SOX5: variants seen among roughly 807,000 people sequenced by gnomAD.
SOX5 encodes the protein SRY-box transcription factor 5.
Under a neutral mutation model 92.0 loss-of-function variants are expected in SOX5, and 9 were observed. The observed-to-expected ratio is 0.10, with a 90% CI of 0.06 to 0.17. SOX5 has a LOEUF of 0.17. SOX5 is among the 10% of genes least tolerant of loss of function. The pLI, the probability that SOX5 is intolerant of heterozygous loss-of-function variation, is 1.00. For synonymous variants in SOX5, 344 were observed against 336.3 expected (o/e 1.02, Z -0.25); for missense variants, 642 against 944.5 (o/e 0.68, Z 4.20).
At chr12:24,365,180 AT>A (rs1413948226) in intron 2 of SOX5, among the ~76,000 whole-genome samples, 1 of 150,602 alleles carries the variant, frequency 6.6e-6, no homozygotes, top group African/African-American at 2.4e-5. Context: ...TAACGTCTTT[AT>A]TTAACATATT....
At chr12:23,995,754 T>A (rs1950975367) in intron 4 of SOX5, among the ~76,000 whole-genome samples, 1 of 152,186 alleles carries the variant, frequency 6.6e-6, no homozygotes, top group African/African-American at 2.4e-5. Context: ...GAATTCACAC[T>A]AACAAGGATA....
intron 4 of SOX5, among the ~76,000 whole-genome samples, chr12:24,207,655 T>C (rs549195324): frequency 1.3e-5 from 2 of 152,318 alleles, no homozygotes; most frequent in Admixed American, 6.5e-5. Context: ...CAAGACCATA[T>C]AGTTTGTAAA....
At chr12:24,445,064 A>T (rs1393871703) in intron 1 of SOX5, among the ~76,000 whole-genome samples, 1 of 152,236 alleles carries the variant, frequency 6.6e-6, no homozygotes, top group East Asian at 1.9e-4. Flanking sequence ...CGGTACCTCC[A>T]GGACTGACAT....
intron 4 of SOX5, among the ~76,000 whole-genome samples, chr12:24,022,484 A>G (rs1391108319): frequency 1.3e-5 from 2 of 152,178 alleles, no homozygotes; most frequent in African/African-American, 2.4e-5. Context: ...GGAAACATCT[A>G]AAATCCTGTA....
intron 2 of SOX5, among the ~76,000 whole-genome samples, chr12:24,347,658 TA>T (rs1953478236): frequency 6.6e-6 from 1 of 152,216 alleles, no homozygotes; most frequent in Non-Finnish European, 1.5e-5. Context: ...TTTCACTTTT[TA>T]AAAACATACT....
intron 7 of SOX5, among the ~76,000 whole-genome samples, chr12:23,643,510 T>G (rs2080406271): frequency 6.6e-6 from 1 of 152,212 alleles, no homozygotes; most frequent in South Asian, 2.1e-4. Context: ...AGCATGTATC[T>G]GGAATTTAAG....
chr12:24,506,589 A>C (rs954988607), intron 1 of SOX5, among the ~76,000 whole-genome samples: 3 of 152,058 alleles, frequency 2.0e-5, no homozygotes, highest in Non-Finnish European at 4.4e-5. Context: ...GGTAGGGGTG[A>C]ATATAGAATT....
chr12:24,007,219 G>A (rs7979992), intron 4 of SOX5, among the ~76,000 whole-genome samples: 8,126 of 10,140 alleles, frequency 0.8, 3,629 homozygotes, highest in Non-Finnish European at 0.98. Context: ...ATATATAAAT[G>A]TATATAAATG....
At chr12:24,075,343 A>T (rs1942428518) in intron 4 of SOX5, among the ~76,000 whole-genome samples, 1 of 150,352 alleles carries the variant, frequency 6.7e-6, no homozygotes, top group Non-Finnish European at 1.5e-5. Context: ...GGTTTTCCTA[A>T]TTTTTTATAG....
chr12:23,801,646 T>G (rs942472772), intron 3 of SOX5, among the ~76,000 whole-genome samples: 1 of 152,192 alleles, frequency 6.6e-6, no homozygotes, highest in African/African-American at 2.4e-5. Context: ...TTATTGTTCC[T>G]AGGATTTTCT....
chr12:23,714,339 T>C (rs1303641298), intron 6 of SOX5, among the ~76,000 whole-genome samples: 1 of 152,202 alleles, frequency 6.6e-6, no homozygotes, highest in Non-Finnish European at 1.5e-5. Flanking sequence ...TCTACACTTG[T>C]AGGCTGGGCG....
intron 1 of SOX5, among the ~76,000 whole-genome samples, chr12:24,510,229 C>T (rs114663485): frequency 1.3e-3 from 195 of 152,220 alleles, no homozygotes; most frequent in African/African-American, 4.4e-3. Flanking sequence ...CACAGGTGAA[C>T]ACAGTGTGTT....
chr12:23,732,636 G>T (rs1158316360), intron 6 of SOX5, among the ~76,000 whole-genome samples: 1 of 152,082 alleles, frequency 6.6e-6, no homozygotes, highest in Non-Finnish European at 1.5e-5. Context: ...ATTACTTTCA[G>T]TGTGACTTTA....
intron 6 of SOX5, among the ~76,000 whole-genome samples, chr12:23,723,395 T>G (rs1051347598): frequency 6.6e-6 from 1 of 151,850 alleles, no homozygotes; most frequent in African/African-American, 2.4e-5. Flanking sequence ...AAAGGAACTA[T>G]GTATGGGAGG....
chr12:24,115,207 T>A (rs1947856981), intron 4 of SOX5, among the ~76,000 whole-genome samples: 2 of 152,076 alleles, frequency 1.3e-5, no homozygotes, highest in African/African-American at 4.8e-5. Flanking sequence ...ACCCACAGAT[T>A]AGAGGTAGAG....
At chr12:24,199,000 A>G (rs1256372433) in intron 4 of SOX5, among the ~76,000 whole-genome samples, 1 of 152,200 alleles carries the variant, frequency 6.6e-6, no homozygotes, top group African/African-American at 2.4e-5. Context: ...AAGAGTACAG[A>G]CGTGGCTGCA....
intron 1 of SOX5, among the ~76,000 whole-genome samples, chr12:23,897,818 AACAG>A (rs2097192413): frequency 1.3e-5 from 2 of 152,188 alleles, no homozygotes; most frequent in Admixed American, 1.3e-4. Flanking sequence ...CAGCCAAAGA[AACAG>A]ACAAAGAGGA....
At chr12:23,574,708 C>T (rs938922047) in intron 10 of SOX5, among the ~76,000 whole-genome samples, 4 of 152,166 alleles carry the variant, frequency 2.6e-5, no homozygotes, top group Non-Finnish European at 4.4e-5. Context: ...TTTTTTTCTA[C>T]AATCTAGACA....
chr12:23,546,488 T>C, intron 11 of SOX5, 64 bp from the exon 12 acceptor site: 1 of 903,152 alleles, frequency 1.1e-6, no homozygotes, highest in Non-Finnish European at 1.8e-6. Flanking sequence ...CTTTCTTTTT[T>C]TGGGCCACAT....
Sources: allele counts gnomAD v4.1 joint callset (sites outside exome capture counted in the v4.1 genomes callset), GRCh38; gene constraint gnomAD v4.1.1; transcripts MANE v1.5; gene names NCBI Gene and HGNC (gene_info 2026-07-23, HGNC 2026-07-21).